Variants in SYNCRIP observed in about 807,000 individuals in gnomAD.
SYNCRIP encodes synaptotagmin binding cytoplasmic RNA interacting protein.
Under a neutral mutation model 68.9 loss-of-function variants are expected in SYNCRIP, and 9 were observed. The ratio of observed to expected loss-of-function variants is 0.13; its 90% confidence interval spans 0.08 to 0.23. SYNCRIP has a LOEUF of 0.23. Among genes scored for constraint, SYNCRIP ranks in the 10% least tolerant of loss-of-function variants. The pLI is 1.00. For synonymous variants in SYNCRIP, 258 were observed against 254.0 expected (o/e 1.02, Z -0.15); for missense variants, 414 against 770.6 (o/e 0.54, Z 5.48).
intron 1 of SYNCRIP, 55 bp from the exon 2 acceptor site, chr6:85,641,506 C>T (rs566765531): frequency 6.5e-7 from 1 of 1,529,266 alleles, no homozygotes; most frequent in African/African-American, 1.4e-5. Flanking sequence ...GAATACAAGA[C>T]AATATGAGAG....
chr6:85,638,923 T>TAA (rs1562113343), intron 4 of SYNCRIP, among the ~76,000 whole-genome samples: 1 of 152,154 alleles, frequency 6.6e-6, no homozygotes, highest in Admixed American at 6.6e-5. Context: ...ATTGAAACTG[T>TAA]AAGCAGCCAG....
intron 1 of SYNCRIP, 62 bp from the exon 2 acceptor site, chr6:85,641,513 A>G: frequency 6.6e-7 from 1 of 1,507,920 alleles, no homozygotes. Flanking sequence ...AGACAATATG[A>G]GAGCCCCATC....
intron 7 of SYNCRIP, among the ~76,000 whole-genome samples, chr6:85,623,562 C>CAAAAAAAAAAAAAAAAAAAAAAAAA: frequency 1.6e-5 from 1 of 63,256 alleles, no homozygotes; most frequent in African/African-American, 6.8e-5. Context: ...AGACTGTCTC[C>CAAAAAAAAAAAAAAAAAAAAAAAAA]AAAAAAAAAA....
intron 6 of SYNCRIP, among the ~76,000 whole-genome samples, chr6:85,633,574 G>A (rs953312329): frequency 4.6e-5 from 7 of 152,210 alleles, no homozygotes; most frequent in Admixed American, 4.6e-4. Flanking sequence ...CTGGGCAACA[G>A]AGGGAGACTC....
chr6:85,617,568 G>A (rs1805927868), intron 10 of SYNCRIP, among the ~76,000 whole-genome samples: 1 of 152,172 alleles, frequency 6.6e-6, no homozygotes, highest in African/African-American at 2.4e-5. Context: ...TTTGGTCCCA[G>A]AACAAGCATG....
intron 1 of SYNCRIP, among the ~76,000 whole-genome samples, chr6:85,642,107 A>G (rs1048373331): frequency 6.6e-6 from 1 of 152,128 alleles, no homozygotes; most frequent in Non-Finnish European, 1.5e-5. Context: ...CTGGTTCCCA[A>G]CATCAACCCG....
rs1463907406 is a variant in SYNCRIP at position 85,623,301 on chromosome 6, T to C, written c.803-614A>G. Among the ~76,000 whole-genome samples the C allele has an allele frequency of 5.3e-5, 8 of 152,118 alleles. No individual in the cohort carries two copies. In the East Asian group the frequency reaches 1.4e-3, roughly 26 times the overall value. ...TTTATGGGCCAGGCACGGTGGCTCA[T>C]ACCTGTAATCGCAACACTCTGGGAG... On this transcript the variant is annotated intron_variant, in intron 7 of 10. Coordinates refer to ENST00000369622, the MANE Select transcript of SYNCRIP (RefSeq NM_006372.5).
chr6:85,642,564 G>A (rs1426854950), intron 1 of SYNCRIP, among the ~76,000 whole-genome samples: 2 of 152,184 alleles, frequency 1.3e-5, no homozygotes, highest in Non-Finnish European at 2.9e-5. Context: ...GGACCGTGGA[G>A]GCGCCTCCTC....
At chr6:85,613,911 A>C, downstream of SYNCRIP, 1 of 945,198 alleles carries the variant, frequency 1.1e-6, no homozygotes, top group Non-Finnish European at 1.3e-6. Context: ...AGACTACCTG[A>C]ATTTGTCCTT....
intron 6 of SYNCRIP, among the ~76,000 whole-genome samples, chr6:85,636,556 T>A (rs1228534334): frequency 6.6e-6 from 1 of 152,192 alleles, no homozygotes; most frequent in Non-Finnish European, 1.5e-5. Flanking sequence ...CACCATAAAA[T>A]CTTTTGTTTC....
chr6:85,634,686 G>A (rs1808246664), intron 6 of SYNCRIP, among the ~76,000 whole-genome samples: 1 of 152,058 alleles, frequency 6.6e-6, no homozygotes, highest in Admixed American at 6.5e-5. Flanking sequence ...TTAGCTTTCT[G>A]TAGTTATGAT....
intron 6 of SYNCRIP, among the ~76,000 whole-genome samples, chr6:85,629,922 T>C (rs983145723): frequency 3.3e-5 from 5 of 150,576 alleles, no homozygotes; most frequent in Non-Finnish European, 7.4e-5. Flanking sequence ...AGACAGAGGT[T>C]GCAGTGAGCT....
chr6:85,635,774 C>CAAAAAAAAA (rs58599854), intron 6 of SYNCRIP, among the ~76,000 whole-genome samples: 35 of 78,904 alleles, frequency 4.4e-4, no homozygotes, highest in African/African-American at 1.4e-3. Flanking sequence ...TTCTATCTCC[C>CAAAAAAAAA]AAAAAAAAAA....
At chr6:85,641,553 C>A in intron 1 of SYNCRIP, 102 bp from the exon 2 acceptor site, 1 of 1,168,018 alleles carries the variant, frequency 8.6e-7, no homozygotes, top group South Asian at 1.6e-5. Flanking sequence ...ACTACACCAG[C>A]TAGCCTATAC....
chr6:85,639,503 C>G (rs1413008921), intron 4 of SYNCRIP, among the ~76,000 whole-genome samples: 1 of 152,188 alleles, frequency 6.6e-6, no homozygotes, highest in Non-Finnish European at 1.5e-5. Context: ...TTCCCTGTTT[C>G]CACACCACTA....
Position 85,637,072 on chromosome 6 carries a change from A to G in SYNCRIP, c.561T>C (p.Pro187=). 1 of 1,614,134 alleles carries G rather than the reference A, an allele frequency of 6.2e-7. No homozygotes were observed. The highest frequency in any genetic ancestry group is 8.5e-7 in the Non-Finnish European group (1 of 1,180,006). ...CCATCATTAGACGAAGATCCCATAT[A>G]GGTCCAGCTTTCTCAAATAATGGAA... ...ELVPLFEKAG[P]IWDLRLMMDP... Residue 187 remains proline, a synonymous_variant, in exon 6 of 11, where the codon CCT becomes CCC. Coordinates refer to ENST00000369622, the MANE Select transcript of SYNCRIP (RefSeq NM_006372.5).
rs765935317 is a variant in SYNCRIP at position 85,641,346 on chromosome 6, C to G, written c.94G>C (p.Asp32His). The change falls in exon 2 of 11, where the codon GAT becomes CAT. Residue 32 changes from aspartate to histidine, a missense_variant. Around this residue, in one of 6 missense-constraint regions of SYNCRIP, gnomAD observed 51 missense variants for 63.7 expected, o/e 0.80. Coordinates refer to ENST00000369622, the MANE Select transcript of SYNCRIP (RefSeq NM_006372.5). ...IHSENFQTLL[D>H]AGLPQKVAEK... Reference sequence around the variant, plus strand: ...GCAACTTTCTGTGGTAAACCAGCATCAAGCAATGTCTGAAAATTTTCTGAA... The same window carrying G: ...GCAACTTTCTGTGGTAAACCAGCATGAAGCAATGTCTGAAAATTTTCTGAA... 5 of 1,612,598 alleles carry G rather than the reference C, an allele frequency of 3.1e-6. No homozygotes were observed. In the South Asian group the frequency reaches 5.5e-5, roughly 18 times the overall value.
chr6:85,609,857 A>G (rs1307598302), downstream of SYNCRIP: 1 of 151,890 alleles, frequency 6.6e-6, no homozygotes, highest in Admixed American at 6.6e-5. Context: ...TTCCTTGACA[A>G]TATACAAAAT....
intron 10 of SYNCRIP, 80 bp downstream of exon 10, chr6:85,618,738 C>T (rs1806064424): frequency 8.0e-7 from 1 of 1,248,686 alleles, no homozygotes; most frequent in Non-Finnish European, 1.1e-6. Context: ...TTTAACAAGT[C>T]TGATCAACAC....
Sources: allele counts gnomAD v4.1 joint callset (sites outside exome capture counted in the v4.1 genomes callset), GRCh38; gene constraint gnomAD v4.1.1; regional missense constraint gnomAD v4.1.1; transcripts MANE v1.5; gene names NCBI Gene and HGNC (gene_info 2026-07-23, HGNC 2026-07-21).